The following PPFIBP2 variants were observed in gnomAD, a reference collection of about 807,000 sequenced individuals.
The protein encoded by PPFIBP2 is liprin-beta-2.
PPFIBP2 carries 118 observed loss-of-function variants against 118.3 expected under a neutral mutation model. The observed-to-expected ratio is 1.00, with a 90% confidence interval of 0.86 to 1.16. The LOEUF is 1.16. PPFIBP2 is among the 50% of genes most tolerant of loss of function. The probability of loss-of-function intolerance (pLI) is 0.00; values close to 1 mark genes in which losing one functional copy is unlikely to be tolerated. For synonymous variants in PPFIBP2, 414 were observed against 397.4 expected, an observed-to-expected ratio of 1.04 and a Z score of -0.50; for missense variants, 1,195 against 1,073.1, an observed-to-expected ratio of 1.11 and a Z score of -1.59.
chr11:7,665,728 A>G, the PPFIBP2 span: 466,363 of 1,202,134 alleles, frequency 0.39, 96,138 homozygotes, highest in Non-Finnish European at 0.43. Flanking sequence ...CTCTGCAGCA[A>G]TCACCCCAGG....
chr11:7,562,131 A>G (rs1489813199), intron 2 of PPFIBP2, among the ~76,000 whole-genome samples: 2 of 152,202 alleles, frequency 1.3e-5, no homozygotes, highest in Non-Finnish European at 2.9e-5. Context: ...ATCTGACAGG[A>G]GGCGGAGCTC....
In PPFIBP2 at chr11:7,616,979, C is replaced by G. The variant is rs1171421987; in HGVS notation, c.619-3956C>G. ...TCTGTTGTGGAAAGTGGAGGGCCGT[C>G]GACAGTGACCACTGAGTGCCACCTG... On this transcript the variant is annotated intron_variant, in intron 6 of 23. Coordinates refer to ENST00000299492, the MANE Select transcript of PPFIBP2 (RefSeq NM_003621.5). The surrounding 1 kb of genome is among the most constrained non-coding windows in gnomAD (Gnocchi z 5.2). 1 of 292,014 alleles carries G rather than the reference C, an allele frequency of 3.4e-6. No homozygotes were observed. Among genetic ancestry groups the G allele is most frequent in the Non-Finnish European group, 5.1e-6 (1 of 196,256 alleles). The allele number at this position is 292,014 out of a possible 1,614,324, so 18.1% of individuals were successfully genotyped here.
chr11:7,640,929 G>C, intron 15 of PPFIBP2: 3 of 944,662 alleles, frequency 3.2e-6, no homozygotes, highest in Non-Finnish European at 4.4e-6. Context: ...CTTGCTCGAT[G>C]ACACTCTTTT....
At chr11:7,577,327 G>C in intron 3 of PPFIBP2, 2 of 293,450 alleles carry the variant, frequency 6.8e-6, no homozygotes, top group South Asian at 5.1e-5. Flanking sequence ...GTGCGTGTGT[G>C]TGTGTGTGTG....
rs1049795691 is a variant in PPFIBP2 at position 7,628,440 on chromosome 11, T to A, written c.888+94T>A. ...GTCTCTGATATTCTGGACAGGACCA[T>A]GCTTATCATGCCATTGACATAGGGA... On this transcript the variant is annotated intron_variant, in intron 9 of 23. Transcript: ENST00000299492. The A allele has an allele frequency of 3.2e-5, 36 of 1,137,788 alleles. No homozygotes were observed. The African/African-American group carries it at 5.3e-4, about 17-fold the overall frequency. The allele number at this position is 1,137,788 out of a possible 1,614,324, so 70.5% of individuals were successfully genotyped here. A position where few individuals can be genotyped will look rare whatever the true frequency, so the allele number is the denominator to read the frequency against.
chr11:7,563,226 C>T (rs1017535810), intron 2 of PPFIBP2, among the ~76,000 whole-genome samples: 1 of 151,978 alleles, frequency 6.6e-6, no homozygotes, highest in African/African-American at 2.4e-5. Context: ...TGGATGGCTA[C>T]GTGTTTAAAA....
At chr11:7,604,474 A>G (rs1159151485) in intron 5 of PPFIBP2, among the ~76,000 whole-genome samples, 1 of 142,824 alleles carries the variant, frequency 7.0e-6, no homozygotes, top group African/African-American at 2.9e-5. Context: ...ATACACGCAC[A>G]CACACCCCCC....
rs769812999 is a variant in PPFIBP2, at chr11:7,651,812, T to TAC, written c.2409_2410dup (p.Pro804HisfsTer3). ...GCGAGAGAAAATGGCCTCACCAGCT[T>TAC]ACACACCACTGACCACCACAGCCAA... On this transcript the variant is annotated frameshift_variant, in exon 23 of 24. Coordinates refer to ENST00000299492, the MANE Select transcript of PPFIBP2 (RefSeq NM_003621.5). LOFTEE classifies it high-confidence loss of function. The TAC allele has an allele frequency of 6.2e-7, 1 of 1,613,482 alleles. No homozygotes were observed. The highest frequency in any genetic ancestry group is 2.2e-5 in the East Asian group (1 of 44,844).
At chr11:7,597,732 CTT>C in intron 5 of PPFIBP2, 59 bp downstream of exon 5, 1 of 1,340,724 alleles carries the variant, frequency 7.5e-7, no homozygotes, top group Non-Finnish European at 1.1e-6. Flanking sequence ...GCTGAAGCCC[CTT>C]TGTGTGCCCA....
At chr11:7,608,298 T>C (rs1369608958) in intron 5 of PPFIBP2, among the ~76,000 whole-genome samples, 1 of 152,230 alleles carries the variant, frequency 6.6e-6, no homozygotes, top group East Asian at 1.9e-4. Context: ...GAAACTGTGA[T>C]ACAATAGACT....
intron 3 of PPFIBP2, chr11:7,576,388 A>G (rs376487159): frequency 6.6e-6 from 1 of 152,362 alleles, no homozygotes; most frequent in South Asian, 2.1e-4. Flanking sequence ...AGCTGTTTTT[A>G]GTGGGGAGCT....
the PPFIBP2 span, among the ~76,000 whole-genome samples, chr11:7,662,153 A>C: frequency 6.7e-6 from 1 of 149,996 alleles, no homozygotes; most frequent in Non-Finnish European, 1.5e-5. Context: ...TTACATTTAA[A>C]GTTAATATTG....
At chr11:7,562,873 G>A (rs1590250866) in intron 2 of PPFIBP2, among the ~76,000 whole-genome samples, 1 of 138,954 alleles carries the variant, frequency 7.2e-6, no homozygotes, top group East Asian at 2.2e-4. Context: ...ATTGACTATT[G>A]GTTTTGTTAA....
intron 3 of PPFIBP2, among the ~76,000 whole-genome samples, chr11:7,586,203 G>C (rs1858148762): frequency 6.6e-6 from 1 of 152,054 alleles, no homozygotes; most frequent in South Asian, 2.1e-4. Flanking sequence ...TGTTCCCTTG[G>C]GTTGTTTGTA....
chr11:7,614,800 T>G (rs762675115), intron 6 of PPFIBP2, among the ~76,000 whole-genome samples: 5 of 152,196 alleles, frequency 3.3e-5, no homozygotes, highest in Non-Finnish European at 7.3e-5. Flanking sequence ...CAACTGTGAT[T>G]ATGGGAGGTG....
At chr11:7,524,106 G>T (rs778087720) in intron 1 of PPFIBP2, among the ~76,000 whole-genome samples, 2 of 151,166 alleles carry the variant, frequency 1.3e-5, no homozygotes, top group Non-Finnish European at 2.9e-5. Flanking sequence ...ACAACTCTGT[G>T]TGTGTGTCTG....
At chr11:7,629,409 C>G (rs1565087692) in intron 9 of PPFIBP2, 50 bp from the exon 10 acceptor site, 1 of 1,559,364 alleles carries the variant, frequency 6.4e-7, no homozygotes, top group Non-Finnish European at 8.8e-7. Flanking sequence ...ATGAAATCAT[C>G]TGAGATGCCA....
rs1306204816 is a variant in PPFIBP2 at position 7,564,059 on chromosome 11, G to T, written c.65-1494G>T. 2.6e-5 allele frequency among the ~76,000 whole-genome samples: 4 copies of T among 152,130 alleles called. No homozygotes were observed. In the South Asian group the frequency reaches 8.3e-4, roughly 32 times the overall value. ...CGGGCACCTGCAGTCCCAGCTACTC[G>T]GGAGGCTGAGGCAGGAGAATGGCAT... On this transcript the variant is annotated intron_variant, in intron 2 of 23. Coordinates refer to ENST00000299492, the MANE Select transcript of PPFIBP2 (RefSeq NM_003621.5).
intron 22 of PPFIBP2, chr11:7,651,362 G>A (rs984589138): frequency 1.8e-5 from 7 of 386,808 alleles, no homozygotes; most frequent in Non-Finnish European, 3.3e-5. Flanking sequence ...AAATGAGGAA[G>A]TGTGGTGGCT....
Sources: allele counts gnomAD v4.1 joint callset (sites outside exome capture counted in the v4.1 genomes callset), GRCh38; gene constraint gnomAD v4.1.1; non-coding constraint Gnocchi (gnomAD v3.1); transcripts MANE v1.5; gene names NCBI Gene and HGNC (gene_info 2026-07-23, HGNC 2026-07-21).